The following SEZ6L variants were observed in gnomAD, a reference collection of about 807,000 sequenced individuals.
SEZ6L encodes seizure related 6 homolog like, also known as seizure 6-like protein.
In SEZ6L, 37 loss-of-function variants were observed where a neutral mutation model predicts 106.2. The observed-to-expected ratio is 0.35, with a 90% CI of 0.27 to 0.46. The LOEUF is 0.46. Among genes scored for constraint, SEZ6L ranks in the 20% least tolerant of loss-of-function variants. SEZ6L has a pLI of 1.00. For synonymous variants in SEZ6L, 541 were observed against 570.4 expected (o/e 0.95, Z 0.73); for missense variants, 1,172 against 1,332.8 (o/e 0.88, Z 1.88).
intron 1 of SEZ6L, among the ~76,000 whole-genome samples, chr22:26,234,414 C>T (rs1175044840): frequency 1.3e-5 from 2 of 152,202 alleles, no homozygotes; most frequent in Admixed American, 6.5e-5. Context: ...TCCCTAGCAG[C>T]TGCGAGTAAA....
At chr22:26,192,876 A>G (rs1940328956) in intron 1 of SEZ6L, among the ~76,000 whole-genome samples, 1 of 152,220 alleles carries the variant, frequency 6.6e-6, no homozygotes, top group Non-Finnish European at 1.5e-5. Flanking sequence ...TGAAGCATCA[A>G]CCTCACACTA....
chr22:26,225,842 C>T (rs1427570403), intron 1 of SEZ6L, among the ~76,000 whole-genome samples: 1 of 152,198 alleles, frequency 6.6e-6, no homozygotes, highest in Non-Finnish European at 1.5e-5. Flanking sequence ...TTGGCTTTCA[C>T]TTCTCAACTC....
chr22:26,274,123 G>GCCAT (rs1479353694), intron 1 of SEZ6L, among the ~76,000 whole-genome samples: 1 of 152,150 alleles, frequency 6.6e-6, no homozygotes, highest in Non-Finnish European at 1.5e-5. Flanking sequence ...TCCCAGAACT[G>GCCAT]CCATCTATAA....
chr22:26,251,471 A>AGGG (rs1215390145), intron 1 of SEZ6L, among the ~76,000 whole-genome samples: 1 of 152,134 alleles, frequency 6.6e-6, no homozygotes, highest in Non-Finnish European at 1.5e-5. Context: ...ATTTGCACAT[A>AGGG]TTAAAGCATC....
intron 12 of SEZ6L, among the ~76,000 whole-genome samples, chr22:26,362,604 C>A (rs1189441557): frequency 6.6e-5 from 10 of 152,198 alleles, no homozygotes; most frequent in African/African-American, 2.4e-4. Flanking sequence ...ATGTCTGATT[C>A]ACCTCCTCAC....
chr22:26,233,129 G>A (rs7288152), intron 1 of SEZ6L, among the ~76,000 whole-genome samples: 45,951 of 152,200 alleles, frequency 0.3, 7,312 homozygotes, highest in Middle Eastern at 0.4. Flanking sequence ...CACAGCAATC[G>A]TCCCTAATCT....
At chr22:26,336,838 G>A (rs1229067165) in intron 9 of SEZ6L, among the ~76,000 whole-genome samples, 1 of 152,088 alleles carries the variant, frequency 6.6e-6, no homozygotes, top group African/African-American at 2.4e-5. Flanking sequence ...AATGTCACCT[G>A]TGAGGAAAAC....
rs371050289 is a variant in SEZ6L, at chr22:26,303,300, C to T, written c.1349-2679C>T. Among the ~76,000 whole-genome samples the T allele has an allele frequency of 3.9e-5, 6 of 152,320 alleles. No homozygotes were observed. In the East Asian group the frequency reaches 9.6e-4, roughly 24 times the overall value. ...TGGAGCAGAGATAAGAGTTATCCACCGTTCTCTGCTACTGCAAGCCCCATT... is the reference window on the plus strand; with the variant it reads ...TGGAGCAGAGATAAGAGTTATCCACTGTTCTCTGCTACTGCAAGCCCCATT... On this transcript the variant is annotated intron_variant, in intron 5 of 16. Coordinates refer to ENST00000248933, the MANE Select transcript of SEZ6L (RefSeq NM_021115.5).
chr22:26,299,152 A>G lies in SEZ6L; in HGVS notation c.1331A>G (p.Gln444Arg), dbSNP rs759860157. ...INASKPHWSS[Q>R]EPICSAPCGG... is the part of the protein sequence containing the mutation. ...GCCTCCAAGCCGCACTGGAGCAGCC[A>G]GGAGCCCATCTGCTCAGGTATGCTC... is the stretch of plus-strand genomic sequence containing the variant. The change falls in exon 5 of 17, where the codon CAG becomes CGG. Residue 444 changes from glutamine (Q) to arginine (R), a missense_variant. Gln to Arg is a conservative substitution (Grantham distance 43). This residue lies in a region of SEZ6L where 534 missense variants were observed against 691.0 expected (regional missense o/e 0.77). Transcript: ENST00000248933. 6.4e-7 allele frequency: 1 copy of G among 1,553,924 alleles called. No homozygotes were observed. The highest frequency in any genetic ancestry group is 1.2e-5 in the South Asian group (1 of 82,004).
chr22:26,298,680 G>A (rs899113425), intron 4 of SEZ6L, among the ~76,000 whole-genome samples: 7 of 152,162 alleles, frequency 4.6e-5, no homozygotes, highest in African/African-American at 1.4e-4. Context: ...CCAGAGAGAA[G>A]GCCAATCTGT....
In SEZ6L at chr22:26,221,577, C is replaced by T. The variant is rs192320992; in HGVS notation, c.94+51814C>T. On this transcript the variant is annotated intron_variant, in intron 1 of 16. Coordinates refer to ENST00000248933, the MANE Select transcript of SEZ6L (RefSeq NM_021115.5). Reference sequence around the variant, plus strand: ...TGTGCAAGGAGCTTCATGTGAATCCCGGCACATAGCAAGCACTCGCTCGTG... The same window carrying T: ...TGTGCAAGGAGCTTCATGTGAATCCTGGCACATAGCAAGCACTCGCTCGTG... Among the ~76,000 whole-genome samples the T allele has an allele frequency of 2.5e-4, 38 of 152,318 alleles. No individual in the cohort carries two copies. The East Asian group carries it at 4.1e-3, about 16-fold the overall frequency.
At chr22:26,171,651 A>T (rs1046282442) in intron 1 of SEZ6L, among the ~76,000 whole-genome samples, 3 of 152,122 alleles carry the variant, frequency 2.0e-5, no homozygotes, top group Admixed American at 2.0e-4. Flanking sequence ...ATTTCATACT[A>T]TTTTTCCAAC....
At position 26,292,652 on chromosome 22, in the gene SEZ6L, C is replaced by T. The variant is rs757693704; in HGVS notation, c.341C>T (p.Pro114Leu). 5.0e-6 allele frequency: 8 copies of T among 1,613,192 alleles called. No individual in the cohort carries two copies. The Admixed American group carries it at 5.0e-5, about 10-fold the overall frequency. Residue 114 changes from proline (P) to leucine (L), a missense_variant, in exon 2 of 17, where the codon CCC becomes CTC. Transcript: ENST00000248933. ...PEEARPKHALPPKKKLPSLKQ... is the reference protein window; with the variant it reads ...PEEARPKHALLPKKKLPSLKQ... Reference sequence around the variant, plus strand: ...GAGGCCCGCCCCAAGCACGCCTTGCCCCCCAAGAAGAAACTGCCTTCGCTC... The same window carrying T: ...GAGGCCCGCCCCAAGCACGCCTTGCTCCCCAAGAAGAAACTGCCTTCGCTC...
At chr22:26,310,858 C>T (rs575110880) in intron 7 of SEZ6L, 22 bp downstream of exon 7, 141 of 1,610,890 alleles carry the variant, frequency 8.8e-5, no homozygotes, top group Non-Finnish European at 1.1e-4. Context: ...TGGGAGCTTC[C>T]CTTTCTCTTG....
chr22:26,356,440 G>C (rs902126334), intron 12 of SEZ6L, among the ~76,000 whole-genome samples: 8 of 151,880 alleles, frequency 5.3e-5, no homozygotes, highest in South Asian at 2.1e-4. Context: ...TCAGGGGTTC[G>C]AGACCAGCCT....
chr22:26,303,668 T>C (rs1370722467), intron 5 of SEZ6L, among the ~76,000 whole-genome samples: 2 of 152,222 alleles, frequency 1.3e-5, no homozygotes, highest in African/African-American at 2.4e-5. Context: ...TCAGTAAATA[T>C]TTACTGAGCA....
chr22:26,353,306 G>A (rs1376359620), intron 12 of SEZ6L, among the ~76,000 whole-genome samples: 2 of 152,150 alleles, frequency 1.3e-5, no homozygotes, highest in Admixed American at 1.3e-4. Context: ...ATACATATCT[G>A]TAAACATGTG....
intron 1 of SEZ6L, among the ~76,000 whole-genome samples, chr22:26,236,896 A>G (rs553784324): frequency 9.9e-5 from 15 of 152,228 alleles, no homozygotes; most frequent in African/African-American, 3.1e-4. Context: ...CATACACAAC[A>G]GTCCCCCTAA....
intron 1 of SEZ6L, among the ~76,000 whole-genome samples, chr22:26,198,217 G>T (rs749398797): frequency 1.3e-5 from 2 of 152,246 alleles, no homozygotes; most frequent in Non-Finnish European, 2.9e-5. Context: ...TGAAACAGAG[G>T]TGATCAGAAT....
Sources: allele counts gnomAD v4.1 joint callset (sites outside exome capture counted in the v4.1 genomes callset), GRCh38; gene constraint gnomAD v4.1.1; regional missense constraint gnomAD v4.1.1; transcripts MANE v1.5; gene names NCBI Gene and HGNC (gene_info 2026-07-23, HGNC 2026-07-21).